The following PCNX2 variants were observed in gnomAD, a reference collection of about 807,000 sequenced individuals.
The protein encoded by PCNX2 is pecanex-like protein 2.
Under a neutral mutation model 223.8 loss-of-function variants are expected in PCNX2, and 168 were observed. That is an observed-to-expected ratio of 0.75 (90% confidence interval 0.66 to 0.85). The LOEUF (loss-of-function observed/expected upper bound fraction) is 0.85, where lower values mean the gene tolerates loss of function less well. Among genes scored for constraint, PCNX2 ranks in the 40% least tolerant of loss-of-function variants. PCNX2 has a pLI of 0.00. For missense variants in PCNX2, 2,507 were observed against 2,675.5 expected (o/e 0.94, Z 1.39); for synonymous variants, 1,006 against 1,052.6 (o/e 0.96, Z 0.86).
intron 15 of PCNX2, among the ~76,000 whole-genome samples, chr1:233,188,364 C>A (rs1290022190): frequency 1.3e-5 from 2 of 152,178 alleles, no homozygotes; most frequent in Non-Finnish European, 2.9e-5. Context: ...CTACCTCCAT[C>A]AGCAGTTAAT....
the PCNX2 span, among the ~76,000 whole-genome samples, chr1:233,320,350 CGTGTGTGTGTGT>C: frequency 6.7e-6 from 1 of 149,806 alleles, no homozygotes; most frequent in Non-Finnish European, 1.5e-5. Context: ...TACATACATT[CGTGTGTGTGTGT>C]GTGTGTGTGT....
At position 233,258,306 on chromosome 1, in the gene PCNX2, C is replaced by T. The variant is rs775481226; in HGVS notation, c.1556G>A (p.Cys519Tyr). The change falls in exon 5 of 34, where the codon TGT becomes TAT. Residue 519 changes from cysteine to tyrosine, a missense_variant. Coordinates refer to ENST00000258229, the MANE Select transcript of PCNX2 (RefSeq NM_014801.4). ...EGQTNLDPSS[C>Y]KSSHEKRHAR... Reference sequence around the variant, plus strand: ...ATGCCTCTTTTCATGGCTGGACTTACAAGACGATGGGTCAAGGTTAGTCTG... The same window carrying T: ...ATGCCTCTTTTCATGGCTGGACTTATAAGACGATGGGTCAAGGTTAGTCTG... 12 of 1,613,908 alleles carry T rather than the reference C, an allele frequency of 7.4e-6. No individual in the cohort carries two copies. Among genetic ancestry groups the T allele is most frequent in the African/African-American group, 2.7e-5 (2 of 74,936 alleles).
intron 21 of PCNX2, among the ~76,000 whole-genome samples, chr1:233,129,956 C>G (rs1224826194): frequency 6.6e-6 from 1 of 152,172 alleles, no homozygotes; most frequent in African/African-American, 2.4e-5. Flanking sequence ...TTTTGCTGCT[C>G]ACTGTTCGGG....
At chr1:233,231,268 G>A (rs1052695737) in intron 9 of PCNX2, among the ~76,000 whole-genome samples, 1 of 151,992 alleles carries the variant, frequency 6.6e-6, no homozygotes, top group Non-Finnish European at 1.5e-5. Context: ...GAGTTCAAGA[G>A]ATAATACATA....
At chr1:233,259,893 G>T in intron 4 of PCNX2, 6 of 824,032 alleles carry the variant, frequency 7.3e-6, no homozygotes, top group Non-Finnish European at 8.8e-6. Flanking sequence ...CAAATGAAAA[G>T]CAATACAGTA....
chr1:233,262,600 T>C (rs1378442078), intron 2 of PCNX2, among the ~76,000 whole-genome samples: 1 of 152,252 alleles, frequency 6.6e-6, no homozygotes, highest in Non-Finnish European at 1.5e-5. Flanking sequence ...GTATTACTTT[T>C]ATATCAACAA....
chr1:233,076,623 A>C (rs978861010), intron 23 of PCNX2, among the ~76,000 whole-genome samples: 2 of 152,234 alleles, frequency 1.3e-5, no homozygotes, highest in Admixed American at 1.3e-4. Flanking sequence ...CACTCCTAAA[A>C]GTGTAACACT....
intron 1 of PCNX2, among the ~76,000 whole-genome samples, chr1:233,279,214 T>C (rs996749140): frequency 6.6e-6 from 1 of 152,104 alleles, no homozygotes; most frequent in African/African-American, 2.4e-5. Context: ...CAGAATGACA[T>C]TGCTCTTTTT....
At chr1:233,113,768 C>T (rs1675252846) in intron 21 of PCNX2, among the ~76,000 whole-genome samples, 1 of 152,186 alleles carries the variant, frequency 6.6e-6, no homozygotes, top group East Asian at 1.9e-4. Flanking sequence ...CAAATGTATC[C>T]CTGAAAGCCC....
intron 20 of PCNX2, among the ~76,000 whole-genome samples, chr1:233,138,516 G>T (rs956557518): frequency 2.6e-5 from 4 of 152,134 alleles, no homozygotes; most frequent in African/African-American, 9.7e-5. Flanking sequence ...TTGTTCTCAG[G>T]GGGAGTTGCA....
Position 233,258,873 on chromosome 1 carries a change from GAT to G in PCNX2, c.987_988del (p.Ser330LeufsTer22). The stretch of plus-strand genomic sequence containing the variant: ...CTGGCAGGAGGTATCTACCTGACAG[GAT>G]GTGTCTGCTGGCTCCTCCACAGGCT... On this transcript the variant is annotated frameshift_variant, in exon 5 of 34. Coordinates refer to ENST00000258229, the MANE Select transcript of PCNX2 (RefSeq NM_014801.4). LOFTEE classifies it high-confidence loss of function. 1 of 1,613,964 alleles carries G rather than the reference GAT, an allele frequency of 6.2e-7. No individual in the cohort carries two copies. The highest frequency in any genetic ancestry group is 8.5e-7 in the Non-Finnish European group (1 of 1,179,886).
chr1:233,017,806 T>A (rs1385687982), intron 26 of PCNX2, among the ~76,000 whole-genome samples: 2 of 152,204 alleles, frequency 1.3e-5, no homozygotes, highest in Non-Finnish European at 2.9e-5. Context: ...GCTAACAGAA[T>A]GTAATGGAAC....
the PCNX2 span, among the ~76,000 whole-genome samples, chr1:233,315,183 G>A: frequency 5.9e-5 from 9 of 152,278 alleles, no homozygotes; most frequent in Non-Finnish European, 8.8e-5. Context: ...GGTATGTTCC[G>A]CATTCACATA....
At chr1:233,082,567 C>T (rs1673410107) in intron 23 of PCNX2, among the ~76,000 whole-genome samples, 1 of 152,172 alleles carries the variant, frequency 6.6e-6, no homozygotes, top group Non-Finnish European at 1.5e-5. Flanking sequence ...ATGTAAATCC[C>T]TCCCTGGCAT....
intron 20 of PCNX2, among the ~76,000 whole-genome samples, chr1:233,136,247 G>C (rs1258708758): frequency 6.6e-6 from 1 of 152,184 alleles, no homozygotes; most frequent in African/African-American, 2.4e-5. Flanking sequence ...GCACTTCTAA[G>C]AGAGGCTTTC....
intron 23 of PCNX2, among the ~76,000 whole-genome samples, chr1:233,070,901 G>T (rs1241226503): frequency 6.6e-6 from 1 of 152,126 alleles, no homozygotes; most frequent in African/African-American, 2.4e-5. Flanking sequence ...GCCAGGTTTG[G>T]TGGCGGGCGC....
At chr1:233,116,153 AAAAAC>A (rs1164772276) in intron 21 of PCNX2, among the ~76,000 whole-genome samples, 1 of 152,214 alleles carries the variant, frequency 6.6e-6, no homozygotes, top group Non-Finnish European at 1.5e-5. Flanking sequence ...AACTGAAAGA[AAAAAC>A]AGACAAATCA....
chr1:233,323,537 C>A, the PCNX2 span, among the ~76,000 whole-genome samples: 115 of 152,302 alleles, frequency 7.6e-4, no homozygotes, highest in African/African-American at 2.6e-3. Context: ...GTCTCTGTAT[C>A]ACATTTGGCA....
At chr1:233,107,411 C>A (rs531299613) in intron 21 of PCNX2, among the ~76,000 whole-genome samples, 2 of 152,112 alleles carry the variant, frequency 1.3e-5, no homozygotes, top group Non-Finnish European at 2.9e-5. Flanking sequence ...AACAAACAAA[C>A]AAACAAAAAG....
Sources: allele counts gnomAD v4.1 joint callset (sites outside exome capture counted in the v4.1 genomes callset), GRCh38; gene constraint gnomAD v4.1.1; transcripts MANE v1.5; gene names NCBI Gene and HGNC (gene_info 2026-07-23, HGNC 2026-07-21).